Variants in FGA observed in about 807,000 individuals in gnomAD.
The protein encoded by FGA is fibrinogen alpha chain, also known as fibrinogen, A alpha polypeptide.
In FGA, 20 loss-of-function variants were observed where a neutral mutation model predicts 20.3. The ratio of observed to expected loss-of-function variants is 0.99; its 90% CI spans 0.69 to 1.43. The LOEUF is 1.43. FGA is among the 40% of genes most tolerant of loss of function. The pLI, the probability that FGA is intolerant of heterozygous loss-of-function variation, is 0.00. For synonymous variants in FGA, 306 were observed against 281.6 expected (o/e 1.09, Z -0.87); for missense variants, 777 against 784.7 (o/e 0.99, Z 0.12).
chr4:154,585,773 G>A lies in FGA; in HGVS notation c.1656C>T (p.Gly552=). 1 of 1,614,150 alleles carries A rather than the reference G, an allele frequency of 6.2e-7. No individual in the cohort carries two copies. ...TGGATTCCTTTGTATTTGTGAAGAT[G>A]CCAGATTCTGAGCCCCTAGACTCAG... The part of the protein sequence containing the change: ...SETESRGSES[G]IFTNTKESSS... Residue 552 remains glycine (G), a synonymous_variant, in exon 5 of 5, where the codon GGC becomes GGT. Coordinates refer to ENST00000403106, the MANE Select transcript of FGA (RefSeq NM_021871.4).
chr4:154,586,952 T>C, intron 4 of FGA, 34 bp from the exon 5 acceptor site: 1 of 1,590,164 alleles, frequency 6.3e-7, no homozygotes, highest in Non-Finnish European at 8.6e-7. Flanking sequence ...AGAGAAAATG[T>C]AGATACAAAT....
chr4:154,586,609 A>C lies in FGA; in HGVS notation c.820T>G (p.Ser274Ala), dbSNP rs1413223380. ...TCTGATCCGGTTCCATAAGAGGTGG[A>C]GCCTCCTCGAGTAATCTCATTTCCA... ...PGGNEITRGG[S>A]TSYGTGSETE... The change falls in exon 5 of 5, where the codon TCC becomes GCC. Residue 274 changes from serine (S) to alanine (A), a missense_variant. Ser to Ala is a moderately conservative substitution (Grantham distance 99). Transcript: ENST00000403106. 3 of 1,613,930 alleles carry C rather than the reference A, an allele frequency of 1.9e-6. No individual in the cohort carries two copies. The South Asian group carries it at 3.3e-5, about 18-fold the overall frequency.
At chr4:154,584,711 A>T (rs1345370857), downstream of FGA, 1 of 1,614,048 alleles carries the variant, frequency 6.2e-7, no homozygotes, top group Non-Finnish European at 8.5e-7. Context: ...ATCAAAAGCC[A>T]TCCTCCCAAA....
downstream of FGA, chr4:154,584,271 A>T: frequency 6.2e-7 from 1 of 1,614,070 alleles, no homozygotes; most frequent in Non-Finnish European, 8.5e-7. Context: ...AGTAGATTCC[A>T]TTGAGATTGG....
rs1730708465 is a variant in FGA at position 154,586,170 on chromosome 4, AC to A, written c.1258del (p.Val420Ter). 4 of 1,614,132 alleles carry A rather than the reference AC, an allele frequency of 2.5e-6. No individual in the cohort carries two copies. Among genetic ancestry groups the A allele is most frequent in the Non-Finnish European group, 2.5e-6 (3 of 1,180,032 alleles). On this transcript the variant is annotated frameshift_variant, in exon 5 of 5. Coordinates refer to ENST00000403106, the MANE Select transcript of FGA (RefSeq NM_021871.4). LOFTEE classifies it low-confidence loss of function (END_TRUNC). ...GTACTCTCTCCTTGTCCCTGGACTT[AC>A]ATTTCCTGACACCTCTTCAAATGTG... ...WGTFEEVSGN[V>X]SPGTRREYHT...
chr4:154,585,644 T>C lies in FGA; in HGVS notation c.1785A>G (p.Thr595=), dbSNP rs1730688499. The C allele has an allele frequency of 6.2e-7, 1 of 1,614,204 alleles. No individual in the cohort carries two copies. The highest frequency in any genetic ancestry group is 8.5e-7 in the Non-Finnish European group (1 of 1,180,024). The part of the protein sequence containing the change: ...SSTSYNRGDS[T]FESKSYKMAD... ...CCATTTTATAGCTCTTGCTTTCAAA[T>C]GTGGAGTCTCCTCTGTTGTAACTCG... Residue 595 remains threonine (T), a synonymous_variant, in exon 5 of 5, where the codon ACA becomes ACG. Transcript: ENST00000403106.
In FGA at chr4:154,585,876, G is replaced by C. The variant is rs749766416; in HGVS notation, c.1553C>G (p.Ala518Gly). Reference protein sequence around the residue: ...GFRHRHPDEAAFFDTASTGKT... With the variant: ...GFRHRHPDEAGFFDTASTGKT... ...TCCAGTTGAGGCAGTGTCGAAGAAG[G>C]CAGCTTCATCAGGGTGCCTATGGCG... The change falls in exon 5 of 5, where the codon GCC becomes GGC. Residue 518 changes from alanine (A) to glycine (G), a missense_variant. Ala to Gly is a moderately conservative substitution (Grantham distance 60, BLOSUM62 0). Coordinates refer to ENST00000403106, the MANE Select transcript of FGA (RefSeq NM_021871.4). 1.9e-5 allele frequency: 30 copies of C among 1,614,016 alleles called. 1 individual carries two copies. The South Asian group carries it at 3.0e-4, about 16-fold the overall frequency.
Position 154,589,487 on chromosome 4 carries a change from G to A in FGA, c.130C>T (p.Gln44Ter). ...CAGTCTGAATCTTTGCAGGCAGATT[G>A]ATGTCTTTCCACAACCCTTGGGCCA... ...VRGPRVVERH[Q>*]SACKDSDWPF... The change falls in exon 2 of 5, where the codon CAA becomes TAA. Residue 44 changes from glutamine to a stop codon, truncating the protein, a stop_gained. Transcript: ENST00000403106. LOFTEE classifies it high-confidence loss of function. The A allele has an allele frequency of 6.2e-7, 1 of 1,614,072 alleles. No individual in the cohort carries two copies. Among genetic ancestry groups the A allele is most frequent in the Non-Finnish European group, 8.5e-7 (1 of 1,179,990 alleles).
chr4:154,586,551 C>G lies in FGA; in HGVS notation c.878G>C (p.Gly293Ala). ...TESPRNPSSA[G>A]SWNSGSSGPG... ...TCCAGAGCTCCCAGAGTTCCAGCTTCCAGCACTGCTAGGGTTCCTGGGGCT... is the reference window on the plus strand; with the variant it reads ...TCCAGAGCTCCCAGAGTTCCAGCTTGCAGCACTGCTAGGGTTCCTGGGGCT... Residue 293 changes from glycine to alanine, a missense_variant, in exon 5 of 5, where the codon GGA becomes GCA. Gly to Ala is a moderately conservative substitution (Grantham distance 60). Transcript: ENST00000403106. 6.2e-7 allele frequency: 1 copy of G among 1,614,152 alleles called. No individual in the cohort carries two copies. Among genetic ancestry groups the G allele is most frequent in the African/African-American group, 1.3e-5 (1 of 75,036 alleles).
rs6050 is a variant in FGA at position 154,586,438 on chromosome 4, T to C, written c.991A>G (p.Thr331Ala). ...GAGCTCCCAGAGTTCCAGCTTCCAG[T>C]ACTTCCAGGTCCAGAGCTCCCAGGT... is the stretch of plus-strand genomic sequence containing the variant. ...WKPGSSGPGS[T>A]GSWNSGSSGT... Residue 331 changes from threonine (T) to alanine (A), a missense_variant, in exon 5 of 5, where the codon ACT becomes GCT. By Grantham distance (58) the Thr-to-Ala change is moderately conservative. Coordinates refer to ENST00000403106, the MANE Select transcript of FGA (RefSeq NM_021871.4). 0.27 allele frequency: 433,314 copies of C among 1,613,298 alleles called. 60,604 individuals are homozygous for C. The highest frequency in any genetic ancestry group is 0.46 in the East Asian group (20,836 of 44,822).
rs1169274613 is a variant in FGA, at chr4:154,585,822, A to G, written c.1607T>C (p.Met536Thr). ...GKTFPGFFSP[M>T]LGEFVSETES... The stretch of plus-strand genomic sequence containing the variant: ...AGTCTCACTGACAAACTCTCCTAAC[A>G]TAGGTGAGAAGAAACCTGGGAATGT... Residue 536 changes from methionine to threonine, a missense_variant, in exon 5 of 5, where the codon ATG becomes ACG. Coordinates refer to ENST00000403106, the MANE Select transcript of FGA (RefSeq NM_021871.4). 42 of 1,613,994 alleles carry G rather than the reference A, an allele frequency of 2.6e-5. No homozygotes were observed. The highest frequency in any genetic ancestry group is 3.3e-5 in the Non-Finnish European group (39 of 1,180,004).
At chr4:154,584,815 T>TGGA, downstream of FGA, 1 of 1,613,242 alleles carries the variant, frequency 6.2e-7, no homozygotes, top group East Asian at 2.2e-5. Context: ...AGGATGTGTT[T>TGGA]GGAGGACATC....
chr4:154,587,433 A>G (rs1730753121), intron 4 of FGA, 79 bp downstream of exon 4: 3 of 1,246,844 alleles, frequency 2.4e-6, no homozygotes, highest in South Asian at 1.2e-5. Flanking sequence ...CATATAGTAG[A>G]CACTCAGTGC....
chr4:154,585,503 C>A lies in FGA; in HGVS notation c.1926G>T (p.Leu642=). The A allele has an allele frequency of 6.3e-7, 1 of 1,586,898 alleles. No individual in the cohort carries two copies. The highest frequency in any genetic ancestry group is 1.1e-5 in the South Asian group (1 of 90,462). Residue 642 remains leucine (L), a synonymous_variant, in exon 5 of 5, where the codon CTG becomes CTT. Coordinates refer to ENST00000403106, the MANE Select transcript of FGA (RefSeq NM_021871.4). ...AAATATTTAACTTAGTCTAGGGGGA[C>A]AGGGAAGGCTTCCCCAAAGGAGAAG... ...IHTSPLGKPS[L]SP is the part of the protein sequence containing the mutation.
intron 4 of FGA, 105 bp from the exon 5 acceptor site, chr4:154,587,023 T>A: frequency 8.6e-7 from 1 of 1,159,108 alleles, no homozygotes; most frequent in Non-Finnish European, 1.2e-6. Flanking sequence ...CTGGTTTCAT[T>A]TTTTTTGACT....
rs1382987919 is a variant in FGA, at chr4:154,587,506, A to G, written c.510+6T>C. 2.5e-6 allele frequency: 4 copies of G among 1,613,658 alleles called. No individual in the cohort carries two copies. Among genetic ancestry groups the G allele is most frequent in the East Asian group, 2.2e-5 (1 of 44,840 alleles). On this transcript the variant is annotated splice_donor_region_variant and intron_variant, in intron 4 of 4. Coordinates refer to ENST00000403106, the MANE Select transcript of FGA (RefSeq NM_021871.4). Reference sequence around the variant, plus strand: ...AGGACATCTGGGACCACAGCCACATACTTACCTCCAGTCGTTTCATATCAA... The same window carrying G: ...AGGACATCTGGGACCACAGCCACATGCTTACCTCCAGTCGTTTCATATCAA...
intron 2 of FGA, 55 bp from the exon 3 acceptor site, chr4:154,589,031 A>C: frequency 6.8e-7 from 1 of 1,478,392 alleles, no homozygotes; most frequent in Non-Finnish European, 9.5e-7. Context: ...ATTCAGAATA[A>C]TTTTGCATGT....
In FGA at chr4:154,586,572, G is replaced by A. The variant is rs947709167; in HGVS notation, c.857C>T (p.Pro286Leu). The A allele has an allele frequency of 3.1e-6, 5 of 1,614,014 alleles. No homozygotes were observed. The highest frequency in any genetic ancestry group is 4.2e-6 in the Non-Finnish European group (5 of 1,179,970). The change falls in exon 5 of 5, where the codon CCC (proline) becomes CTC (leucine). Residue 286 changes from proline (P) to leucine (L), a missense_variant. Coordinates refer to ENST00000403106, the MANE Select transcript of FGA (RefSeq NM_021871.4). ...SYGTGSETES[P>L]RNPSSAGSWN... ...GCTTCCAGCACTGCTAGGGTTCCTGGGGCTTTCCGTCTCTGATCCGGTTCC... is the reference window on the plus strand; with the variant it reads ...GCTTCCAGCACTGCTAGGGTTCCTGAGGCTTTCCGTCTCTGATCCGGTTCC...
chr4:154,585,983 C>T lies in FGA; in HGVS notation c.1446G>A (p.Val482=), dbSNP rs776973543. 18 of 1,614,158 alleles carry T rather than the reference C, an allele frequency of 1.1e-5. No homozygotes were observed. Among genetic ancestry groups the T allele is most frequent in the Non-Finnish European group, 1.4e-5 (17 of 1,180,022 alleles). The part of the protein sequence containing the change: ...PDGHKEVTKE[V]VTSEDGSDCP... ...AGTCAGAACCATCTTCGGAGGTCAC[C>T]ACTTCTTTGGTAACTTCTTTGTGAC... Residue 482 remains valine, a synonymous_variant, in exon 5 of 5, where the codon GTG becomes GTA. Transcript: ENST00000403106.
Sources: gnomAD v4.1 joint callset for allele counts on GRCh38, gnomAD v4.1.1 for gene constraint, MANE v1.5 for transcripts, NCBI Gene and HGNC (gene_info 2026-07-23, HGNC 2026-07-21) for gene names.